Variants in PARD3B observed in about 807,000 individuals in gnomAD.
The protein encoded by PARD3B is partitioning defective 3 homolog B.
A neutral mutation model predicts 130.2 loss-of-function variants in PARD3B; 103 were observed. The observed-to-expected ratio is 0.79, with a 90% CI of 0.67 to 0.93. The LOEUF (loss-of-function observed/expected upper bound fraction) is 0.93, where lower values mean the gene tolerates loss of function less well. Among genes scored for constraint, PARD3B ranks in the 40% least tolerant of loss-of-function variants. The probability of loss-of-function intolerance (pLI) is 0.00; values close to 1 mark genes in which losing one functional copy is unlikely to be tolerated. For missense variants in PARD3B, 1,609 were observed against 1,499.2 expected (o/e 1.07, Z -1.21); for synonymous variants, 583 against 553.2 (o/e 1.05, Z -0.76).
intron 1 of PARD3B, among the ~76,000 whole-genome samples, chr2:204,580,707 G>A (rs1472176775): frequency 6.6e-6 from 1 of 152,072 alleles, no homozygotes; most frequent in East Asian, 1.9e-4. Context: ...TATTGTCCAC[G>A]TATGACCTCA....
intron 20 of PARD3B, among the ~76,000 whole-genome samples, chr2:205,481,246 A>G (rs2049224243): frequency 6.6e-6 from 1 of 152,194 alleles, no homozygotes; most frequent in African/African-American, 2.4e-5. Flanking sequence ...GGTCAAAGGC[A>G]TAGAGCAGGG....
At chr2:204,554,201 T>C (rs2030751391) in intron 1 of PARD3B, among the ~76,000 whole-genome samples, 2 of 152,080 alleles carry the variant, frequency 1.3e-5, no homozygotes, top group Admixed American at 1.3e-4. Flanking sequence ...ACTCAATTCT[T>C]AAGTCTCCAC....
intron 2 of PARD3B, among the ~76,000 whole-genome samples, chr2:204,819,688 T>C (rs2043268574): frequency 6.6e-6 from 1 of 152,110 alleles, no homozygotes; most frequent in Admixed American, 6.5e-5. Flanking sequence ...AAGATATGCA[T>C]AGATAAAGTT....
chr2:205,452,803 G>A (rs2048149080), intron 20 of PARD3B, among the ~76,000 whole-genome samples: 1 of 152,102 alleles, frequency 6.6e-6, no homozygotes, highest in African/African-American at 2.4e-5. Context: ...TATTATGCAT[G>A]AGCTAGGCAA....
intron 1 of PARD3B, among the ~76,000 whole-genome samples, chr2:204,602,260 A>T (rs2033542088): frequency 1.3e-5 from 2 of 152,010 alleles, no homozygotes; most frequent in Non-Finnish European, 2.9e-5. Flanking sequence ...CAGATGTTTC[A>T]TTGTTGCTTT....
In PARD3B at chr2:204,866,382, GTTAGTAC is replaced by G. The variant is rs529804357; in HGVS notation, c.223-98766_223-98760del. On this transcript the variant is annotated intron_variant, in intron 2 of 22. Coordinates refer to ENST00000406610, the MANE Select transcript of PARD3B (RefSeq NM_001302769.2). Reference sequence around the variant, plus strand: ...ACACTAAAATAGGGATTGGTACATAGTTAGTACTTAATATATGTGAGCTGTCTTCTCT... The same window carrying G: ...ACACTAAAATAGGGATTGGTACATAGTTAATATATGTGAGCTGTCTTCTCT... 4.5e-4 allele frequency among the ~76,000 whole-genome samples: 69 copies of G among 152,156 alleles called. No individual in the cohort carries two copies. In the South Asian group the frequency reaches 0.013, roughly 29 times the overall value.
chr2:205,193,161 AT>A (rs1306595165), intron 14 of PARD3B, 43 bp from the exon 15 acceptor site: 3 of 1,413,526 alleles, frequency 2.1e-6, no homozygotes, highest in Non-Finnish European at 3.0e-6. Flanking sequence ...TTTTTAAAAG[AT>A]TTTATTCTAA....
chr2:204,682,583 T>TA (rs1433509657), intron 1 of PARD3B, among the ~76,000 whole-genome samples: 3 of 152,228 alleles, frequency 2.0e-5, no homozygotes, highest in African/African-American at 7.2e-5. Flanking sequence ...ATTCTTCTAG[T>TA]AAAAACATTA....
chr2:204,776,994 T>C (rs2041649940), intron 2 of PARD3B, among the ~76,000 whole-genome samples: 1 of 152,118 alleles, frequency 6.6e-6, no homozygotes, highest in Non-Finnish European at 1.5e-5. Context: ...GCCAAAGGAT[T>C]ACATCTGAAC....
intron 3 of PARD3B, among the ~76,000 whole-genome samples, chr2:204,990,153 A>G (rs930587040): frequency 6.6e-6 from 1 of 152,082 alleles, no homozygotes; most frequent in Non-Finnish European, 1.5e-5. Context: ...GAGCTCAAGC[A>G]TATTTTAATG....
chr2:205,278,512 A>G (rs1427258683), intron 16 of PARD3B, among the ~76,000 whole-genome samples: 5 of 152,172 alleles, frequency 3.3e-5, no homozygotes, highest in Non-Finnish European at 7.3e-5. Context: ...AAGGTCTGAT[A>G]AAGAGAAATA....
chr2:205,081,352 C>T (rs1439463809), intron 4 of PARD3B, among the ~76,000 whole-genome samples: 1 of 151,978 alleles, frequency 6.6e-6, no homozygotes, highest in Non-Finnish European at 1.5e-5. Flanking sequence ...ATAGTTCACT[C>T]AGCACCATTT....
intron 19 of PARD3B, among the ~76,000 whole-genome samples, chr2:205,417,952 A>T (rs534189543): frequency 2.3e-4 from 35 of 152,318 alleles, no homozygotes; most frequent in African/African-American, 7.5e-4. Flanking sequence ...CTCCTTGGAT[A>T]AACTATTGTT....
intron 18 of PARD3B, among the ~76,000 whole-genome samples, chr2:205,372,848 A>C (rs910656589): frequency 7.2e-5 from 11 of 152,248 alleles, no homozygotes; most frequent in African/African-American, 2.6e-4. Context: ...GCATAGTGCC[A>C]TGAGCCTGTA....
In PARD3B at chr2:205,309,587, T is replaced by G. The variant is rs1049488689; in HGVS notation, c.2630+7886T>G. Among the ~76,000 whole-genome samples, 9 of 152,118 alleles carry G rather than the reference T, an allele frequency of 5.9e-5. No homozygotes were observed. Among genetic ancestry groups the G allele is most frequent in the African/African-American group, 2.2e-4 (9 of 41,436 alleles). On this transcript the variant is annotated intron_variant, in intron 18 of 22. Coordinates refer to ENST00000406610, the MANE Select transcript of PARD3B (RefSeq NM_001302769.2). The surrounding 1 kb of genome is among the most constrained non-coding windows in gnomAD (Gnocchi z 4.7). The stretch of plus-strand genomic sequence containing the variant: ...AACACTCCTACACACACATCACACC[T>G]ACCACTACCACCACAAACAACACAC...
intron 18 of PARD3B, among the ~76,000 whole-genome samples, chr2:205,333,704 A>G (rs2043213702): frequency 6.6e-6 from 1 of 152,154 alleles, no homozygotes; most frequent in African/African-American, 2.4e-5. Context: ...TACCCTGAAG[A>G]CGTGGAATGA....
In PARD3B at chr2:204,623,318, C is replaced by T. The variant is rs538340946; in HGVS notation, c.121-62863C>T. On this transcript the variant is annotated intron_variant, in intron 1 of 22. Coordinates refer to ENST00000406610, the MANE Select transcript of PARD3B (RefSeq NM_001302769.2). The surrounding 1 kb of genome is among the most constrained non-coding windows in gnomAD (Gnocchi z 4.5). Reference sequence around the variant, plus strand: ...ATCTGTATAAAATGTGAGTATAGCTCGATGTTGTTACCTGTATAGATTAAT... The same window carrying T: ...ATCTGTATAAAATGTGAGTATAGCTTGATGTTGTTACCTGTATAGATTAAT... Among the ~76,000 whole-genome samples, 40 of 152,056 alleles carry T rather than the reference C, an allele frequency of 2.6e-4. No individual in the cohort carries two copies. The highest frequency in any genetic ancestry group is 6.8e-3 in the Middle Eastern group (2 of 294).
At chr2:204,895,296 A>G (rs1018496038) in intron 2 of PARD3B, among the ~76,000 whole-genome samples, 2 of 152,216 alleles carry the variant, frequency 1.3e-5, no homozygotes, top group Middle Eastern at 3.4e-3. Context: ...TGCAATTTTA[A>G]ACCAAAAGCT....
chr2:205,482,435 G>A (rs572529866), intron 20 of PARD3B, among the ~76,000 whole-genome samples: 9 of 152,200 alleles, frequency 5.9e-5, no homozygotes, highest in South Asian at 2.1e-4. Context: ...AAAAGGAGAC[G>A]GCAGAGGATT....
Sources: gnomAD v4.1 joint callset for allele counts (sites outside exome capture counted in the v4.1 genomes callset) on GRCh38, gnomAD v4.1.1 for gene constraint, Gnocchi (gnomAD v3.1) non-coding constraint, MANE v1.5 for transcripts, NCBI Gene and HGNC (gene_info 2026-07-23, HGNC 2026-07-21) for gene names.